The following RINT1 variants were observed in gnomAD, a reference collection of about 807,000 sequenced individuals.
RINT1 encodes the protein RAD50-interacting protein 1.
In RINT1, 75 loss-of-function variants were observed where a neutral mutation model predicts 97.7. The ratio of observed to expected loss-of-function variants is 0.77; its 90% CI spans 0.64 to 0.93. RINT1 has a LOEUF of 0.93. RINT1 is among the 40% of genes least tolerant of loss of function. The pLI, the probability that RINT1 is intolerant of heterozygous loss-of-function variation, is 0.00. For missense variants in RINT1, 892 were observed against 925.2 expected, an observed-to-expected ratio of 0.96 and a Z score of 0.47; for synonymous variants, 303 against 326.3, an observed-to-expected ratio of 0.93 and a Z score of 0.77.
At chr7:105,536,937 T>C (rs904807365) in intron 3 of RINT1, among the ~76,000 whole-genome samples, 188 bp downstream of exon 3, 2 of 152,278 alleles carry the variant, frequency 1.3e-5, no homozygotes, top group East Asian at 3.9e-4. Context: ...AAGACAAAGT[T>C]CCTACTGATA....
rs774063327 is a variant in RINT1 at position 105,546,937 on chromosome 7, C to T, written c.543C>T (p.Thr181=). 82 of 1,606,892 alleles carry T rather than the reference C, an allele frequency of 5.1e-5. No homozygotes were observed. In the Admixed American group the frequency reaches 1.4e-3, roughly 28 times the overall value. ...LSDNIQQYLM[T]NNVPEAASTL... The stretch of plus-strand genomic sequence containing the variant: ...ATAACATTCAGCAATATCTGATGAC[C>T]AATAATGTACCGGAGGCAGCCTCCA... Residue 181 remains threonine (T), a synonymous_variant, in exon 5 of 15, where the codon ACC becomes ACT. Coordinates refer to ENST00000257700, the MANE Select transcript of RINT1 (RefSeq NM_021930.6).
In RINT1 at chr7:105,532,974, G is replaced by A. The variant is rs921251685; in HGVS notation, c.88+105G>A. On this transcript the variant is annotated intron_variant, in intron 2 of 14. Coordinates refer to ENST00000257700, the MANE Select transcript of RINT1 (RefSeq NM_021930.6). The stretch of plus-strand genomic sequence containing the variant: ...TTGCCTATCTTTTAGATGCAGTACC[G>A]TTTTCTGCACAATATGCTTATATGG... 4.7e-5 allele frequency: 46 copies of A among 976,634 alleles called. No individual in the cohort carries two copies. In the Middle Eastern group the frequency reaches 1.0e-3, roughly 22 times the overall value. The allele number at this position is 976,634 out of a possible 1,614,324, so 60.5% of individuals were successfully genotyped here.
At chr7:105,565,133 T>C (rs1444330116) in intron 12 of RINT1, 144 bp from the exon 13 acceptor site, 3 of 571,686 alleles carry the variant, frequency 5.2e-6, no homozygotes, top group Non-Finnish European at 8.8e-6. Flanking sequence ...ATTTATTTTC[T>C]GATAGAGCTT....
intron 11 of RINT1, among the ~76,000 whole-genome samples, chr7:105,563,105 C>T (rs1022863711): frequency 4.0e-5 from 6 of 151,680 alleles, no homozygotes; most frequent in Admixed American, 6.6e-5. Flanking sequence ...CAATATGATA[C>T]GTGTTACAAT....
chr7:105,538,363 T>A (rs75647451), intron 3 of RINT1, among the ~76,000 whole-genome samples: 8,428 of 152,244 alleles, frequency 0.055, 789 homozygotes, highest in African/African-American at 0.19. Context: ...TTCCAGGTTT[T>A]TGGTCATCGT....
rs533669246 is a variant in RINT1 at position 105,544,622 on chromosome 7, A to G, written c.515+1973A>G. Among the ~76,000 whole-genome samples the G allele has an allele frequency of 8.6e-5, 13 of 151,894 alleles. No homozygotes were observed. In the South Asian group the frequency reaches 2.5e-3, roughly 29 times the overall value. On this transcript the variant is annotated intron_variant, in intron 4 of 14. Transcript: ENST00000257700. ...GCTAATTTTTGTATTTTTAGTAGAG[A>G]TAGGGTTTCACTATGTTGGCTAGGC...
chr7:105,547,844 C>T (rs1790740082), intron 6 of RINT1, among the ~76,000 whole-genome samples: 1 of 151,528 alleles, frequency 6.6e-6, no homozygotes, highest in African/African-American at 2.4e-5. Context: ...TCTCCTGCCT[C>T]AGCCTCCCGA....
At chr7:105,545,990 G>A (rs1790650569) in intron 4 of RINT1, among the ~76,000 whole-genome samples, 1 of 118,982 alleles carries the variant, frequency 8.4e-6, no homozygotes, top group Non-Finnish European at 1.7e-5. Context: ...TTTTAGTAGA[G>A]ATGGGGGATG....
Position 105,565,338 on chromosome 7 carries a change from C to G in RINT1, c.1948C>G (p.Pro650Ala), listed in dbSNP as rs756510641. The G allele has an allele frequency of 6.2e-7, 1 of 1,614,088 alleles. No homozygotes were observed. Among genetic ancestry groups the G allele is most frequent in the African/African-American group, 1.3e-5 (1 of 74,932 alleles). ...AVMSLSSSAC[P>A]LLLTLRDHLL... ...GATGTCCCTGTCCAGTTCGGCTTGC[C>G]CGTTGCTGCTGACGTTACGAGACCA... is the stretch of plus-strand genomic sequence containing the variant. The change falls in exon 13 of 15, where the codon CCG becomes GCG. Residue 650 changes from proline (P) to alanine (A), a missense_variant. By Grantham distance (27) the Pro-to-Ala change is conservative (BLOSUM62 -1). Transcript: ENST00000257700.
At position 105,547,137 on chromosome 7, in the gene RINT1, A is replaced by T. The variant is rs777965102; in HGVS notation, c.690-47A>T. On this transcript the variant is annotated intron_variant, in intron 5 of 14. Coordinates refer to ENST00000257700, the MANE Select transcript of RINT1 (RefSeq NM_021930.6). ...ATTGCTTTCCGATGGGTATTTGGTG[A>T]TCATTTGGTGATGTACTGAAATGTA... 1.1e-5 allele frequency: 18 copies of T among 1,612,370 alleles called. No individual in the cohort carries two copies. In the Admixed American group the frequency reaches 3.0e-4, roughly 27 times the overall value.
chr7:105,560,174 A>G (rs1395773258), intron 11 of RINT1, among the ~76,000 whole-genome samples: 1 of 152,214 alleles, frequency 6.6e-6, no homozygotes, highest in Non-Finnish European at 1.5e-5. Context: ...GTCCTTCTGC[A>G]ATCTCAAAAG....
At chr7:105,545,230 C>T (rs1392979533) in intron 4 of RINT1, among the ~76,000 whole-genome samples, 1 of 151,534 alleles carries the variant, frequency 6.6e-6, no homozygotes, top group African/African-American at 2.4e-5. Context: ...GTGGGCAGAT[C>T]GCTTGAGCTC....
At chr7:105,545,422 C>T (rs1279553512) in intron 4 of RINT1, among the ~76,000 whole-genome samples, 2 of 148,814 alleles carry the variant, frequency 1.3e-5, no homozygotes, top group Non-Finnish European at 3.0e-5. Flanking sequence ...CACTGCACTG[C>T]AGCCTAGGTG....
intron 11 of RINT1, among the ~76,000 whole-genome samples, chr7:105,560,941 G>A (rs928216504): frequency 6.6e-6 from 1 of 151,912 alleles, no homozygotes; most frequent in African/African-American, 2.4e-5. Context: ...GGCTGATCTC[G>A]AACCTCAGAC....
At chr7:105,553,887 A>AT (rs776924728) in intron 10 of RINT1, among the ~76,000 whole-genome samples, 851 of 71,128 alleles carry the variant, frequency 0.012, 179 homozygotes, top group Non-Finnish European at 0.015. Context: ...TACCCAGCTA[A>AT]TTTTTTTTTT....
At chr7:105,564,045 G>A in intron 12 of RINT1, 98 bp downstream of exon 12, 3 of 813,494 alleles carry the variant, frequency 3.7e-6, no homozygotes, top group Non-Finnish European at 5.9e-6. Flanking sequence ...ACCCGGTTTG[G>A]CCTTATGTAC....
intron 3 of RINT1, chr7:105,542,162 C>T (rs924007927): frequency 2.1e-5 from 7 of 339,370 alleles, no homozygotes; most frequent in African/African-American, 1.5e-4. Context: ...GACCTTATTT[C>T]TATTTAAAGA....
At position 105,550,073 on chromosome 7, in the gene RINT1, C is replaced by G. The variant is rs199752527; in HGVS notation, c.1015C>G (p.Gln339Glu). The G allele has an allele frequency of 5.6e-6, 9 of 1,610,532 alleles. No homozygotes were observed. The highest frequency in any genetic ancestry group is 1.7e-5 in the Admixed American group (1 of 59,600). ...TCCTTAGCCAGAATGGTACTTGGCT[C>G]AAGTACTTATGTGGATTGGAAACCA... Reference protein sequence around the residue: ...VLSKPEWYLAQVLMWIGNHTE... With the variant: ...VLSKPEWYLAEVLMWIGNHTE... Residue 339 changes from glutamine to glutamate, a missense_variant, in exon 8 of 15, where the codon CAA becomes GAA. Gln to Glu is a conservative substitution (Grantham distance 29). Transcript: ENST00000257700.
At chr7:105,566,640 A>G (rs1311346176) in intron 14 of RINT1, 2 of 147,554 alleles carry the variant, frequency 1.4e-5, no homozygotes, top group Non-Finnish European at 3.0e-5. Flanking sequence ...ACCATGTCTC[A>G]AAAAAAAAAA....
Sources: allele counts gnomAD v4.1 joint callset (sites outside exome capture counted in the v4.1 genomes callset), GRCh38; gene constraint gnomAD v4.1.1; transcripts MANE v1.5; gene names NCBI Gene and HGNC (gene_info 2026-07-23, HGNC 2026-07-21).